The following SEC14L5 variants were observed in gnomAD, a reference collection of about 807,000 sequenced individuals.
The protein encoded by SEC14L5 is SEC14-like protein 5.
Under a neutral mutation model 84.6 loss-of-function variants are expected in SEC14L5, and 96 were observed. The ratio of observed to expected loss-of-function variants is 1.13; its 90% confidence interval spans 0.96 to 1.34. SEC14L5 has a LOEUF of 1.34. SEC14L5 is among the 40% of genes most tolerant of loss of function. SEC14L5 has a pLI of 0.00. For synonymous variants in SEC14L5, 546 were observed against 383.4 expected (o/e 1.42, Z -4.95); for missense variants, 1,224 against 942.5 (o/e 1.30, Z -3.91).
intron 1 of SEC14L5, 36 bp from the exon 2 acceptor site, chr16:4,959,237 G>T: frequency 2.0e-6 from 2 of 1,019,110 alleles, no homozygotes; most frequent in East Asian, 4.8e-5. Context: ...TTCCCGAGGT[G>T]GGAGCTGCAA....
rs199957850 is a variant in SEC14L5 at position 5,003,524 on chromosome 16, G to A, written c.1253G>A (p.Arg418Gln). ...VEDNYPETLG[R>Q]LLIVRAPRVF... ...GACAATTACCCAGAGACCCTGGGTC[G>A]GCTGCTCATCGTGCGAGCCCCCCGA... is the stretch of plus-strand genomic sequence containing the variant. The change falls in exon 11 of 16, where the codon CGG becomes CAG. Residue 418 changes from arginine to glutamine, a missense_variant. Coordinates refer to ENST00000251170, the MANE Select transcript of SEC14L5 (RefSeq NM_014692.2). The A allele has an allele frequency of 7.4e-6, 12 of 1,612,012 alleles. No individual in the cohort carries two copies. Among genetic ancestry groups the A allele is most frequent in the Admixed American group, 6.7e-5 (4 of 59,926 alleles).
At chr16:5,011,421 C>T (rs1955802279) in intron 15 of SEC14L5, 148 bp downstream of exon 15, 2 of 725,348 alleles carry the variant, frequency 2.8e-6, no homozygotes. Context: ...TCAGGTGACA[C>T]AGCCCCGCAC....
intron 2 of SEC14L5, among the ~76,000 whole-genome samples, chr16:4,974,066 T>C (rs1955311020): frequency 6.6e-6 from 1 of 151,964 alleles, no homozygotes; most frequent in South Asian, 2.1e-4. Flanking sequence ...AGTGGTTGTC[T>C]AGGACTGGGG....
At chr16:4,995,728 G>A (rs1432687086) in intron 6 of SEC14L5, among the ~76,000 whole-genome samples, 10 of 151,038 alleles carry the variant, frequency 6.6e-5, no homozygotes, top group African/African-American at 2.2e-4. Flanking sequence ...CCAGGTTCAA[G>A]CGATTCTCCT....
intron 10 of SEC14L5, 128 bp downstream of exon 10, chr16:5,001,053 T>G (rs1232414779): frequency 1.6e-5 from 12 of 731,136 alleles, no homozygotes; most frequent in Non-Finnish European, 1.2e-5. Flanking sequence ...GTTTCTACAG[T>G]GGTCTTCTGG....
intron 2 of SEC14L5, 147 bp downstream of exon 2, chr16:4,959,533 T>C: frequency 1.4e-6 from 1 of 697,652 alleles, no homozygotes; most frequent in South Asian, 1.6e-5. Flanking sequence ...TTAACTTCTA[T>C]CCAGTGACCT....
chr16:4,998,807 T>G (rs1955644487), intron 8 of SEC14L5, among the ~76,000 whole-genome samples: 1 of 148,910 alleles, frequency 6.7e-6, no homozygotes, highest in South Asian at 2.2e-4. Context: ...CGCTTGACTC[T>G]CCTAAAGAAC....
intron 2 of SEC14L5, among the ~76,000 whole-genome samples, chr16:4,983,864 C>T (rs1399819187): frequency 6.8e-6 from 1 of 146,548 alleles, no homozygotes; most frequent in African/African-American, 2.5e-5. Flanking sequence ...GTGACAAGAA[C>T]AAAACTCTGT....
At chr16:4,970,741 G>T (rs992030849) in intron 2 of SEC14L5, among the ~76,000 whole-genome samples, 1 of 152,200 alleles carries the variant, frequency 6.6e-6, no homozygotes, top group Non-Finnish European at 1.5e-5. Flanking sequence ...CATTCTGAGG[G>T]TGAGTCCTCA....
intron 2 of SEC14L5, among the ~76,000 whole-genome samples, chr16:4,985,593 T>A (rs1329674800): frequency 6.6e-6 from 1 of 152,154 alleles, no homozygotes; most frequent in Non-Finnish European, 1.5e-5. Context: ...GAGATTATTC[T>A]TTTCTCATCA....
chr16:4,988,873 C>T (rs1040461873), intron 4 of SEC14L5, among the ~76,000 whole-genome samples: 43 of 152,260 alleles, frequency 2.8e-4, no homozygotes, highest in Non-Finnish European at 1.6e-4. Context: ...CTGACCACTG[C>T]CCTCACGGAG....
At chr16:4,988,700 C>T (rs1955521822) in intron 4 of SEC14L5, among the ~76,000 whole-genome samples, 1 of 152,134 alleles carries the variant, frequency 6.6e-6, no homozygotes, top group Non-Finnish European at 1.5e-5. Flanking sequence ...TAGTATGTGG[C>T]GCCTTTAGAC....
At chr16:5,003,624 G>GGGGGGGGCCCC in intron 11 of SEC14L5, 51 bp downstream of exon 11, 1 of 305,312 alleles carries the variant, frequency 3.3e-6, no homozygotes, top group African/African-American at 2.6e-5. Flanking sequence ...GGTGGGATGG[G>GGGGGGGGCCCC]AGGGGTTCCG....
chr16:4,992,981 C>T (rs1955567893), intron 6 of SEC14L5, among the ~76,000 whole-genome samples: 1 of 151,952 alleles, frequency 6.6e-6, no homozygotes, highest in South Asian at 2.1e-4. Context: ...GTATCAGTGC[C>T]TATGTCTTCT....
In SEC14L5 at chr16:4,975,633, A is replaced by G. The variant is rs1349020995; in HGVS notation, c.64-11924A>G. ...TTGTGAATTGTGCTGCTATAAACAT[A>G]CATGTGTATGTGTCTTTTTCACATA... On this transcript the variant is annotated intron_variant, in intron 2 of 15. Coordinates refer to ENST00000251170, the MANE Select transcript of SEC14L5 (RefSeq NM_014692.2). Among the ~76,000 whole-genome samples the G allele has an allele frequency of 3.3e-5, 5 of 152,126 alleles. No individual in the cohort carries two copies. In the East Asian group the frequency reaches 7.7e-4, roughly 23 times the overall value.
chr16:4,996,266 C>A (rs1336622997), intron 6 of SEC14L5, 82 bp from the exon 7 acceptor site: 42 of 823,396 alleles, frequency 5.1e-5, no homozygotes, highest in Non-Finnish European at 7.7e-5. Context: ...GTGAGGCAGC[C>A]AGTAAGGAAT....
In SEC14L5 at chr16:4,971,950, C is replaced by T. The variant is rs191731890; in HGVS notation, c.63+12564C>T. Among the ~76,000 whole-genome samples, 24 of 152,058 alleles carry T rather than the reference C, an allele frequency of 1.6e-4. 1 individual carries two copies. Among genetic ancestry groups the T allele is most frequent in the Admixed American group, 1.4e-3 (22 of 15,232 alleles). ...GGCATTGAGACTGTAAACAAACAAACGCAGACATAATGTCCTATTCCAAAC... is the reference window on the plus strand; with the variant it reads ...GGCATTGAGACTGTAAACAAACAAATGCAGACATAATGTCCTATTCCAAAC... On this transcript the variant is annotated intron_variant, in intron 2 of 15. Transcript: ENST00000251170.
chr16:4,962,355 T>G (rs1330440306), intron 2 of SEC14L5, among the ~76,000 whole-genome samples: 1 of 152,116 alleles, frequency 6.6e-6, no homozygotes. Flanking sequence ...CTCTAGGTAC[T>G]GACACCTGTG....
rs1955887320 is a variant in SEC14L5, at chr16:5,017,368, G to T, written c.*2398G>T. The T allele has an allele frequency of 6.6e-6, 1 of 152,326 alleles. No individual in the cohort carries two copies. The highest frequency in any genetic ancestry group is 2.4e-5 in the African/African-American group (1 of 41,456). 9.4% of individuals were successfully genotyped at this position (152,326 alleles called of 1,614,324 possible). ...ATGGCTGAAGGTGGGTGCTGCTTCA[G>T]ATATGGCTGGATCCAGGAGCTTAAT... On this transcript the variant is annotated 3_prime_UTR_variant, in exon 16 of 16. Coordinates refer to ENST00000251170, the MANE Select transcript of SEC14L5 (RefSeq NM_014692.2).
Sources: allele counts gnomAD v4.1 joint callset (sites outside exome capture counted in the v4.1 genomes callset), GRCh38; gene constraint gnomAD v4.1.1; transcripts MANE v1.5; gene names NCBI Gene and HGNC (gene_info 2026-07-23, HGNC 2026-07-21).